The following PDE1A variants were observed in gnomAD, a reference collection of about 807,000 sequenced individuals.
PDE1A encodes dual specificity calcium/calmodulin-dependent 3',5'-cyclic nucleotide phosphodiesterase 1A.
A neutral mutation model predicts 61.7 loss-of-function variants in PDE1A; 35 were observed. The ratio of observed to expected loss-of-function variants is 0.57; its 90% CI spans 0.43 to 0.75. The LOEUF (loss-of-function observed/expected upper bound fraction) is 0.75, where lower values mean the gene tolerates loss of function less well. Ranked by LOEUF, PDE1A falls within the 30% of genes least tolerant of loss-of-function variation. The pLI is 0.00. For synonymous variants in PDE1A, 232 were observed against 213.2 expected (o/e 1.09, Z -0.77); for missense variants, 597 against 630.6 (o/e 0.95, Z 0.57).
At chr2:182,386,682 C>T (rs190729880) in intron 1 of PDE1A, among the ~76,000 whole-genome samples, 43 of 151,150 alleles carry the variant, frequency 2.8e-4, no homozygotes, top group Non-Finnish European at 4.1e-4. Context: ...GGAGCCCCTC[C>T]GCCCGGCAGC....
At chr2:182,564,461 G>A in the PDE1A span, among the ~76,000 whole-genome samples, 1 of 152,150 alleles carries the variant, frequency 6.6e-6, no homozygotes, top group African/African-American at 2.4e-5. Context: ...TGGGTAACCC[G>A]ACCTTTCTCT....
chr2:182,257,032 G>A (rs1344992070), intron 2 of PDE1A, among the ~76,000 whole-genome samples: 3 of 152,182 alleles, frequency 2.0e-5, no homozygotes, highest in Admixed American at 6.5e-5. Flanking sequence ...CTCATCCAGT[G>A]GTTCACCCTG....
intron 1 of PDE1A, among the ~76,000 whole-genome samples, chr2:182,270,461 T>C (rs2125813734): frequency 6.6e-6 from 1 of 152,176 alleles, no homozygotes; most frequent in East Asian, 1.9e-4. Flanking sequence ...AATGTTCTCA[T>C]ATGGAAAAAT....
chr2:182,329,510 C>T lies in PDE1A; in HGVS notation c.54-65096G>A, dbSNP rs528827627. Among the ~76,000 whole-genome samples the T allele has an allele frequency of 1.2e-4, 19 of 152,264 alleles. No homozygotes were observed. In the East Asian group the frequency reaches 2.5e-3, roughly 20 times the overall value. On this transcript the variant is annotated intron_variant, in intron 1 of 13. Transcript: ENST00000351439. ...GCTCAAGCGATTCTCCTGCCTCAGC[C>T]TCCCGAGTAGCTGGGATTACAGGCA... is the stretch of plus-strand genomic sequence containing the variant.
chr2:182,367,922 G>T (rs2125223553), intron 1 of PDE1A, among the ~76,000 whole-genome samples: 1 of 152,116 alleles, frequency 6.6e-6, no homozygotes, highest in South Asian at 2.1e-4. Flanking sequence ...TCATTTGGTA[G>T]ATAAATATAT....
chr2:182,712,735 T>G, the PDE1A span, among the ~76,000 whole-genome samples: 1 of 152,040 alleles, frequency 6.6e-6, no homozygotes, highest in African/African-American at 2.4e-5. Flanking sequence ...TTTTTGTATT[T>G]TTTGTAGAGA....
chr2:182,446,693 T>C lies in PDE1A; in HGVS notation c.101+75583A>G, dbSNP rs537657926. On this transcript the variant is annotated intron_variant, in intron 2 of 14. Transcript: ENST00000410103. ...TTACCTACATTACACATGTGGACTGTTGAGTTCAAATGATTAAATATTAAG... is the reference window on the plus strand; with the variant it reads ...TTACCTACATTACACATGTGGACTGCTGAGTTCAAATGATTAAATATTAAG... Among the ~76,000 whole-genome samples, 5 of 152,220 alleles carry C rather than the reference T, an allele frequency of 3.3e-5. No individual in the cohort carries two copies. In the East Asian group the frequency reaches 9.7e-4, roughly 30 times the overall value.
At chr2:182,577,000 G>C in the PDE1A span, among the ~76,000 whole-genome samples, 1 of 152,052 alleles carries the variant, frequency 6.6e-6, no homozygotes, top group Non-Finnish European at 1.5e-5. Context: ...TCAGATATAC[G>C]ATTTGCAAAT....
chr2:182,296,343 C>A (rs910294880), intron 1 of PDE1A, among the ~76,000 whole-genome samples: 3 of 152,148 alleles, frequency 2.0e-5, no homozygotes, highest in Non-Finnish European at 2.9e-5. Context: ...GAAGTCAAGG[C>A]ACACATTTGC....
chr2:182,327,975 T>C (rs935312477), intron 1 of PDE1A, among the ~76,000 whole-genome samples: 2 of 152,214 alleles, frequency 1.3e-5, no homozygotes, highest in Non-Finnish European at 2.9e-5. Flanking sequence ...GTAGAAGCTA[T>C]GGCTTTAACA....
intron 1 of PDE1A, among the ~76,000 whole-genome samples, chr2:182,337,701 AG>A (rs1417402793): frequency 2.0e-5 from 3 of 152,186 alleles, no homozygotes; most frequent in Non-Finnish European, 4.4e-5. Context: ...TGATCTAAAA[AG>A]GTCGCCTATT....
At chr2:182,568,404 C>A in the PDE1A span, among the ~76,000 whole-genome samples, 1 of 152,162 alleles carries the variant, frequency 6.6e-6, no homozygotes, top group Non-Finnish European at 1.5e-5. Context: ...AAAGACTGGG[C>A]GCGGTGGCTC....
At chr2:182,495,667 G>T (rs1322494775) in intron 2 of PDE1A, among the ~76,000 whole-genome samples, 1 of 152,146 alleles carries the variant, frequency 6.6e-6, no homozygotes, top group African/African-American at 2.4e-5. Flanking sequence ...GAGGCAACAA[G>T]TAGTCTCTGA....
intron 1 of PDE1A, among the ~76,000 whole-genome samples, chr2:182,296,129 G>A (rs555545090): frequency 1.7e-4 from 26 of 152,258 alleles, no homozygotes; most frequent in African/African-American, 5.8e-4. Flanking sequence ...ATGTAGGCAC[G>A]TGTAACGCAT....
At chr2:182,530,465 C>T in the PDE1A span, among the ~76,000 whole-genome samples, 5 of 152,138 alleles carry the variant, frequency 3.3e-5, no homozygotes, top group African/African-American at 1.2e-4. Context: ...AAGAAATCCA[C>T]ATCAAGACAT....
chr2:182,238,262 A>G (rs536005618), intron 3 of PDE1A, among the ~76,000 whole-genome samples: 1 of 114,020 alleles, frequency 8.8e-6, no homozygotes, highest in African/African-American at 3.5e-5. Flanking sequence ...GAGCCAGACT[A>G]CGTCAAAAAA....
intron 2 of PDE1A, among the ~76,000 whole-genome samples, chr2:182,472,235 T>C (rs981181790): frequency 1.3e-5 from 2 of 151,894 alleles, no homozygotes; most frequent in African/African-American, 4.8e-5. Context: ...GAAAAATCAT[T>C]ATATCAAAAA....
chr2:182,289,753 C>G (rs1694401838), intron 1 of PDE1A, among the ~76,000 whole-genome samples: 1 of 152,052 alleles, frequency 6.6e-6, no homozygotes, highest in Non-Finnish European at 1.5e-5. Flanking sequence ...TTCTAAAATT[C>G]TCATCTTCTC....
the PDE1A span, among the ~76,000 whole-genome samples, chr2:182,680,694 A>G: frequency 1.3e-5 from 2 of 152,290 alleles, no homozygotes; most frequent in Admixed American, 6.5e-5. Flanking sequence ...CTTTTGATGC[A>G]GGGAAGGCAA....
Sources: gnomAD v4.1 joint callset for allele counts (sites outside exome capture counted in the v4.1 genomes callset) on GRCh38, gnomAD v4.1.1 for gene constraint, MANE v1.5 for transcripts, NCBI Gene and HGNC (gene_info 2026-07-23, HGNC 2026-07-21) for gene names.